The following MYO5C variants were observed in gnomAD, a reference collection of about 807,000 sequenced individuals.
The protein encoded by MYO5C is unconventional myosin-Vc.
In MYO5C, 194 loss-of-function variants were observed where a neutral mutation model predicts 235.7. That is an observed-to-expected ratio of 0.82 (90% confidence interval 0.73 to 0.93). The LOEUF (loss-of-function observed/expected upper bound fraction) is 0.93. Among genes scored for constraint, MYO5C ranks in the 40% least tolerant of loss-of-function variants. The probability of loss-of-function intolerance (pLI) is 0.00; values close to 1 mark genes in which losing one functional copy is unlikely to be tolerated. For synonymous variants in MYO5C, 707 were observed against 754.8 expected (o/e 0.94, Z 1.04); for missense variants, 2,038 against 2,127.2 (o/e 0.96, Z 0.82).
intron 8 of MYO5C, among the ~76,000 whole-genome samples, chr15:52,268,576 GA>G (rs941409487): frequency 6.6e-6 from 1 of 151,920 alleles, no homozygotes; most frequent in Non-Finnish European, 1.5e-5. Flanking sequence ...AAAAAAAAAA[GA>G]AAGAAATGGC....
intron 24 of MYO5C, among the ~76,000 whole-genome samples, 181 bp downstream of exon 24, chr15:52,232,441 T>C (rs1241787744): frequency 6.6e-6 from 1 of 152,170 alleles, no homozygotes; most frequent in African/African-American, 2.4e-5. Flanking sequence ...TAGAATGTGT[T>C]CAGTATCTGA....
intron 38 of MYO5C, among the ~76,000 whole-genome samples, chr15:52,203,380 C>T (rs1161123756): frequency 1.3e-5 from 2 of 152,286 alleles, no homozygotes; most frequent in East Asian, 3.9e-4. Flanking sequence ...CAGAGTCTTG[C>T]TCTGTCGCCC....
intron 38 of MYO5C, among the ~76,000 whole-genome samples, chr15:52,200,276 T>G (rs1287806289): frequency 6.6e-6 from 1 of 152,122 alleles, no homozygotes; most frequent in Non-Finnish European, 1.5e-5. Context: ...ATTTAAAGAC[T>G]TAGAGTCTTG....
At chr15:52,291,697 T>C (rs966382709) in intron 1 of MYO5C, among the ~76,000 whole-genome samples, 1 of 151,260 alleles carries the variant, frequency 6.6e-6, no homozygotes, top group Non-Finnish European at 1.5e-5. Flanking sequence ...GGCAGTGATA[T>C]GTGTGGTCTT....
chr15:52,272,905 C>G (rs546418856), intron 5 of MYO5C, among the ~76,000 whole-genome samples, 182 bp from the exon 6 acceptor site: 3 of 152,278 alleles, frequency 2.0e-5, no homozygotes, highest in African/African-American at 7.2e-5. Flanking sequence ...AGAACATGAG[C>G]CTGCTGCTCA....
chr15:52,282,740 G>A lies in MYO5C; in HGVS notation c.138+42C>T, dbSNP rs559332217. 3.3e-5 allele frequency: 45 copies of A among 1,378,992 alleles called. No homozygotes were observed. The East Asian group carries it at 5.7e-4, about 17-fold the overall frequency. The allele number at this position is 1,378,992 out of a possible 1,614,324, so 85.4% of individuals were successfully genotyped here. A position where few individuals can be genotyped will look rare whatever the true frequency, so the allele number is the denominator to read the frequency against. ...CATCCTTACACACACCCCAGCTACC[G>A]CTTTACACATCGACGTAGCTGTGAA... On this transcript the variant is annotated intron_variant, in intron 2 of 40. Coordinates refer to ENST00000261839, the MANE Select transcript of MYO5C (RefSeq NM_018728.4).
chr15:52,225,178 G>T (rs1174091543), intron 26 of MYO5C, 40 bp from the exon 27 acceptor site: 1 of 1,605,212 alleles, frequency 6.2e-7, no homozygotes, highest in Non-Finnish European at 8.5e-7. Context: ...TACATTTGTG[G>T]ATGATTTATC....
At chr15:52,217,810 C>G (rs2035589645) in intron 32 of MYO5C, among the ~76,000 whole-genome samples, 1 of 152,166 alleles carries the variant, frequency 6.6e-6, no homozygotes. Context: ...CATGTCCACA[C>G]TGACCCACTG....
chr15:52,266,954 T>A (rs1242401298), intron 8 of MYO5C, among the ~76,000 whole-genome samples: 1 of 152,158 alleles, frequency 6.6e-6, no homozygotes, highest in Non-Finnish European at 1.5e-5. Context: ...GAGGACACGG[T>A]ACTCTACCTC....
At chr15:52,291,731 G>GTTTTATTTTTTTTTT (rs1367919390) in intron 1 of MYO5C, among the ~76,000 whole-genome samples, 1 of 52,562 alleles carries the variant, frequency 1.9e-5, no homozygotes, top group Non-Finnish European at 3.3e-5. Context: ...CATATTTTAT[G>GTTTTATTTTTTTTTT]TTTTTTTTTT....
At chr15:52,223,810 C>A in intron 28 of MYO5C, 86 bp from the exon 29 acceptor site, 1 of 1,241,482 alleles carries the variant, frequency 8.1e-7, no homozygotes, top group Non-Finnish European at 1.1e-6. Flanking sequence ...AGACCCACAA[C>A]AAGAGCCGTG....
intron 25 of MYO5C, among the ~76,000 whole-genome samples, chr15:52,227,506 C>T (rs914748030): frequency 6.6e-6 from 1 of 151,746 alleles, no homozygotes; most frequent in African/African-American, 2.4e-5. Flanking sequence ...CCCAAGTAAT[C>T]TTAATGGATC....
intron 1 of MYO5C, among the ~76,000 whole-genome samples, chr15:52,287,793 A>G (rs755494182): frequency 3.3e-5 from 5 of 152,132 alleles, no homozygotes; most frequent in African/African-American, 7.2e-5. Flanking sequence ...CCTGACCAAC[A>G]TGGAGAAACC....
At chr15:52,272,461 A>C (rs2036944508) in intron 6 of MYO5C, 119 bp downstream of exon 6, 7 of 971,642 alleles carry the variant, frequency 7.2e-6, no homozygotes, top group African/African-American at 1.6e-5. Context: ...TGCAAATGAA[A>C]GACAAGAAAA....
chr15:52,214,693 A>G lies in MYO5C; in HGVS notation c.3955-3T>C, dbSNP rs548082390. 3 of 1,582,914 alleles carry G rather than the reference A, an allele frequency of 1.9e-6. No homozygotes were observed. The highest frequency in any genetic ancestry group is 1.2e-5 in the South Asian group (1 of 84,960). ...ATGTCTAATTCTTCTTCAAGATCCT[A>G]CAGCAATAAAAAGAAACCAGGATTT... On this transcript the variant is annotated splice_polypyrimidine_tract_variant and splice_region_variant and intron_variant, in intron 32 of 40. Coordinates refer to ENST00000261839, the MANE Select transcript of MYO5C (RefSeq NM_018728.4).
intron 28 of MYO5C, 101 bp from the exon 29 acceptor site, chr15:52,223,825 A>G: frequency 9.9e-7 from 1 of 1,012,048 alleles, no homozygotes; most frequent in Non-Finnish European, 1.4e-6. Flanking sequence ...GCCGTGCACG[A>G]AGTACATCAA....
chr15:52,286,959 AAAAAAAAAAAG>A (rs1466455960), intron 1 of MYO5C, among the ~76,000 whole-genome samples: 10 of 132,436 alleles, frequency 7.6e-5, no homozygotes, highest in African/African-American at 2.6e-4. Flanking sequence ...AGAAAAAAGA[AAAAAAAAAAAG>A]AAAAACTAAC....
intron 13 of MYO5C, 121 bp downstream of exon 13, chr15:52,251,269 C>T: frequency 1.1e-6 from 1 of 928,754 alleles, no homozygotes; most frequent in Non-Finnish European, 1.5e-6. Flanking sequence ...AACACACACT[C>T]ATCAAAGCTA....
In MYO5C at chr15:52,278,991, A is replaced by C; in HGVS notation, c.331T>G (p.Tyr111Asp). ...TCTCCGTATATTGGCAACTGCTTGT[A>C]AGGATTCATGGCCACCAAAATGATT... ...SGIILVAMNP[Y>D]KQLPIYGDAI... Residue 111 changes from tyrosine to aspartate, a missense_variant, in exon 4 of 41, where the codon TAC (tyrosine) becomes GAC (aspartate). Tyr to Asp is a radical substitution (Grantham distance 160, BLOSUM62 -3). Coordinates refer to ENST00000261839, the MANE Select transcript of MYO5C (RefSeq NM_018728.4). 6.2e-7 allele frequency: 1 copy of C among 1,613,646 alleles called. No homozygotes were observed.
Sources: gnomAD v4.1 joint callset for allele counts (sites outside exome capture counted in the v4.1 genomes callset) on GRCh38, gnomAD v4.1.1 for gene constraint, MANE v1.5 for transcripts, NCBI Gene and HGNC (gene_info 2026-07-23, HGNC 2026-07-21) for gene names.